The following SOX6 variants were observed in gnomAD, a reference collection of about 807,000 sequenced individuals.
The protein encoded by SOX6 is transcription factor SOX-6.
SOX6 carries 11 observed loss-of-function variants against 97.8 expected under a neutral mutation model. The ratio of observed to expected loss-of-function variants is 0.11; its 90% CI spans 0.07 to 0.19. The LOEUF is 0.19. SOX6 is among the 10% of genes least tolerant of loss of function. The probability of loss-of-function intolerance (pLI) is 1.00; values close to 1 mark genes in which losing one functional copy is unlikely to be tolerated. For missense variants in SOX6, 810 were observed against 1,039.5 expected (o/e 0.78, Z 3.04); for synonymous variants, 360 against 371.4 (o/e 0.97, Z 0.35).
intron 4 of SOX6, among the ~76,000 whole-genome samples, chr11:16,500,992 A>G (rs573830800): frequency 9.9e-5 from 15 of 152,280 alleles, no homozygotes; most frequent in South Asian, 4.1e-4. Context: ...AAAAGAGCCC[A>G]CATTGCCAAG....
chr11:16,003,237 A>G (rs1346647781), intron 13 of SOX6, among the ~76,000 whole-genome samples: 1 of 151,914 alleles, frequency 6.6e-6, no homozygotes, highest in African/African-American at 2.4e-5. Context: ...GTGTCATAAC[A>G]CTGAACTATT....
At chr11:16,608,868 T>C (rs112283455) in intron 4 of SOX6, among the ~76,000 whole-genome samples, 1 of 152,168 alleles carries the variant, frequency 6.6e-6, no homozygotes, top group Admixed American at 6.5e-5. Context: ...AGGAAAAGAT[T>C]TGGAGAAACA....
At chr11:16,624,184 T>TTTTATTTATTCATTTA (rs1554979381) in intron 3 of SOX6, among the ~76,000 whole-genome samples, 14 of 147,232 alleles carry the variant, frequency 9.5e-5, no homozygotes, top group Non-Finnish European at 1.6e-4. Context: ...TATTTTTTTA[T>TTTTATTTATTCATTTA]TTTATTTATT....
intron 13 of SOX6, among the ~76,000 whole-genome samples, chr11:16,007,048 C>T (rs958269079): frequency 1.3e-5 from 2 of 148,538 alleles, no homozygotes; most frequent in Admixed American, 6.7e-5. Flanking sequence ...CAGAACCAAA[C>T]AAGAAGAGGA....
intron 9 of SOX6, among the ~76,000 whole-genome samples, chr11:16,091,475 G>A (rs746000631): frequency 1.3e-5 from 2 of 152,056 alleles, no homozygotes; most frequent in Non-Finnish European, 2.9e-5. Flanking sequence ...AGACAGTGCA[G>A]AGCCTCTAAA....
intron 1 of SOX6, among the ~76,000 whole-genome samples, chr11:16,474,865 A>G (rs1860205609): frequency 6.6e-6 from 1 of 152,174 alleles, no homozygotes; most frequent in African/African-American, 2.4e-5. Flanking sequence ...TCTTCTTCCC[A>G]TATAAGGCTG....
chr11:16,689,101 CATTG>C lies in SOX6; in HGVS notation n.429+25725_429+25728del, dbSNP rs377417074. Among the ~76,000 whole-genome samples, 37 of 152,222 alleles carry C rather than the reference CATTG, an allele frequency of 2.4e-4. No individual in the cohort carries two copies. The East Asian group carries it at 5.8e-3, about 24-fold the overall frequency. On this transcript the variant is annotated intron_variant and non_coding_transcript_variant, in intron 3 of 5. Transcript: ENST00000524520. Reference sequence around the variant, plus strand: ...AAAATTGAAACTAAACCTGTTTTGTCATTGATTGTTATTTCTTCTAATCCTTTAT... The same window carrying C: ...AAAATTGAAACTAAACCTGTTTTGTCATTGTTATTTCTTCTAATCCTTTAT...
chr11:16,325,928 C>A (rs536425441), intron 2 of SOX6, among the ~76,000 whole-genome samples: 1 of 152,238 alleles, frequency 6.6e-6, no homozygotes, highest in African/African-American at 2.4e-5. Context: ...GTTTGTTGAT[C>A]CTGTCAAGGT....
intron 4 of SOX6, among the ~76,000 whole-genome samples, chr11:16,494,474 C>T (rs12285593): frequency 3.6e-4 from 55 of 152,102 alleles, no homozygotes; most frequent in African/African-American, 1.1e-3. Context: ...TTTTAAAAAG[C>T]GATATACAAA....
rs189019540 is a variant in SOX6 at position 16,564,724 on chromosome 11, A to T, written n.609+47357T>A. Among the ~76,000 whole-genome samples the T allele has an allele frequency of 1.9e-3, 282 of 152,200 alleles. 1 individual carries two copies. The highest frequency in any genetic ancestry group is 6.3e-3 in the African/African-American group (263 of 41,550). ...CCAAATAATCCATGAGTCAAAAAAA[A>T]TTTTCAAAAGAAATTTTTTTAAAAA... On this transcript the variant is annotated intron_variant and non_coding_transcript_variant, in intron 4 of 5. Transcript: ENST00000524520.
At chr11:16,518,462 C>T (rs145576426) in intron 4 of SOX6, among the ~76,000 whole-genome samples, 1 of 152,254 alleles carries the variant, frequency 6.6e-6, no homozygotes, top group African/African-American at 2.4e-5. Flanking sequence ...CTTTATATTA[C>T]AATAATTTAT....
At chr11:16,330,438 C>T (rs535634219) in intron 2 of SOX6, among the ~76,000 whole-genome samples, 1 of 152,230 alleles carries the variant, frequency 6.6e-6, no homozygotes, top group East Asian at 1.9e-4. Context: ...ACCTGTAATC[C>T]CAGCTACTCA....
At chr11:16,440,007 T>A (rs1859472805) in intron 1 of SOX6, among the ~76,000 whole-genome samples, 1 of 152,070 alleles carries the variant, frequency 6.6e-6, no homozygotes, top group South Asian at 2.1e-4. Context: ...CACCAAGCAC[T>A]GAAGGAAACA....
intron 6 of SOX6, among the ~76,000 whole-genome samples, chr11:16,132,394 GAA>G (rs57128078): frequency 4.1e-4 from 26 of 63,762 alleles, no homozygotes; most frequent in East Asian, 2.5e-3. Context: ...AAGAAAGAAA[GAA>G]AGAAAAAAGA....
chr11:15,986,446 C>T (rs1853843087), intron 14 of SOX6, 26 bp from the exon 15 acceptor site: 4 of 1,610,566 alleles, frequency 2.5e-6, no homozygotes, highest in Non-Finnish European at 3.4e-6. Flanking sequence ...GCCTTAAGTA[C>T]CCAAGTGGTC....
chr11:16,505,659 T>A (rs910325637), intron 4 of SOX6, among the ~76,000 whole-genome samples: 1 of 152,182 alleles, frequency 6.6e-6, no homozygotes, highest in African/African-American at 2.4e-5. Flanking sequence ...GAGACCTTCA[T>A]GGCAGCCTCT....
At chr11:16,350,488 A>G (rs1856913253) in intron 1 of SOX6, among the ~76,000 whole-genome samples, 1 of 152,216 alleles carries the variant, frequency 6.6e-6, no homozygotes, top group African/African-American at 2.4e-5. Flanking sequence ...TCCAAGAGAC[A>G]CTTCTTATAA....
At chr11:16,013,275 A>T (rs1854784590) in intron 13 of SOX6, among the ~76,000 whole-genome samples, 1 of 152,086 alleles carries the variant, frequency 6.6e-6, no homozygotes. Context: ...TATTTATTTA[A>T]TTACATATGG....
chr11:16,522,477 G>A (rs1861084631), intron 4 of SOX6, among the ~76,000 whole-genome samples: 1 of 151,956 alleles, frequency 6.6e-6, no homozygotes, highest in Non-Finnish European at 1.5e-5. Context: ...GCTCCTGAAG[G>A]AAGCACTAAA....
Sources: gnomAD v4.1 joint callset for allele counts (sites outside exome capture counted in the v4.1 genomes callset) on GRCh38, gnomAD v4.1.1 for gene constraint, MANE v1.5 for transcripts, NCBI Gene and HGNC (gene_info 2026-07-23, HGNC 2026-07-21) for gene names.